The following PTPRN2 variants were observed in gnomAD, a reference collection of about 807,000 sequenced individuals.
PTPRN2 encodes the protein protein tyrosine phosphatase receptor type N2.
A neutral mutation model predicts 118.8 loss-of-function variants in PTPRN2; 74 were observed. The observed-to-expected ratio is 0.62, with a 90% CI of 0.52 to 0.76. The LOEUF (loss-of-function observed/expected upper bound fraction) is 0.76, where lower values mean the gene tolerates loss of function less well. Among genes scored for constraint, PTPRN2 ranks in the 30% least tolerant of loss-of-function variants. The pLI, the probability that PTPRN2 is intolerant of heterozygous loss-of-function variation, is 0.00. For synonymous variants in PTPRN2, 641 were observed against 608.0 expected (o/e 1.05, Z -0.80); for missense variants, 1,481 against 1,394.4 (o/e 1.06, Z -0.99).
At chr7:158,055,259 G>A (rs886986762) in intron 11 of PTPRN2, among the ~76,000 whole-genome samples, 4 of 152,224 alleles carry the variant, frequency 2.6e-5, no homozygotes, top group Non-Finnish European at 4.4e-5. Context: ...AGACAAGGGT[G>A]TGAGCCTTCT....
At chr7:158,334,487 C>T (rs62480925) in intron 2 of PTPRN2, among the ~76,000 whole-genome samples, 437 of 69,746 alleles carry the variant, frequency 6.3e-3, no homozygotes, top group East Asian at 9.4e-3. Flanking sequence ...CACCCACACA[C>T]GTCACTCACA....
intron 3 of PTPRN2, among the ~76,000 whole-genome samples, chr7:158,266,412 G>T (rs1017342653): frequency 2.7e-5 from 4 of 150,310 alleles, no homozygotes; most frequent in Non-Finnish European, 5.9e-5. Context: ...CTGCTGCGGG[G>T]TATTGTCTGG....
rs78274247 is a variant in PTPRN2, at chr7:157,799,385, G to C, written c.1788+99288C>G. ...TCTTGCCGTGAGACCTCCCCACGCT[G>C]AACGTGTGTTCCTCTAGCCACTTAC... is the stretch of plus-strand genomic sequence containing the variant. On this transcript the variant is annotated intron_variant, in intron 12 of 22. Transcript: ENST00000389418. 8.2e-3 allele frequency among the ~76,000 whole-genome samples: 1,247 copies of C among 152,262 alleles called. 47 individuals carry two copies. The South Asian group carries it at 0.12, about 14-fold the overall frequency.
intron 12 of PTPRN2, among the ~76,000 whole-genome samples, chr7:157,710,245 A>G (rs187884879): frequency 6.6e-6 from 1 of 152,326 alleles, no homozygotes; most frequent in East Asian, 1.9e-4. Context: ...GAACGTCCAG[A>G]ATAAAGAGAA....
intron 11 of PTPRN2, among the ~76,000 whole-genome samples, chr7:157,976,288 G>A (rs890089706): frequency 3.9e-5 from 6 of 152,200 alleles, no homozygotes; most frequent in South Asian, 2.1e-4. Flanking sequence ...TGCTCAGCCT[G>A]GCAGCCGAGT....
intron 3 of PTPRN2, among the ~76,000 whole-genome samples, chr7:158,265,608 G>C (rs1347370995): frequency 6.6e-6 from 1 of 152,214 alleles, no homozygotes; most frequent in Non-Finnish European, 1.5e-5. Flanking sequence ...GGGATCACCT[G>C]GTGCCATCAT....
intron 2 of PTPRN2, among the ~76,000 whole-genome samples, chr7:158,445,179 C>A (rs1817639067): frequency 6.6e-6 from 1 of 152,220 alleles, no homozygotes; most frequent in Non-Finnish European, 1.5e-5. Context: ...GGTGACACAG[C>A]CCCTCAGCCC....
chr7:157,806,392 A>G (rs1805633475), intron 12 of PTPRN2, among the ~76,000 whole-genome samples: 1 of 152,198 alleles, frequency 6.6e-6, no homozygotes, highest in Admixed American at 6.5e-5. Context: ...ATGTGTACAA[A>G]AATATGCACA....
chr7:157,747,504 C>T (rs1458292033), intron 12 of PTPRN2, among the ~76,000 whole-genome samples: 1 of 111,206 alleles, frequency 9.0e-6, no homozygotes, highest in African/African-American at 3.9e-5. Context: ...CGTCCCTGAG[C>T]TGTGGGGTGT....
At chr7:158,085,610 G>T (rs893635663) in intron 10 of PTPRN2, among the ~76,000 whole-genome samples, 1 of 86,084 alleles carries the variant, frequency 1.2e-5, no homozygotes, top group African/African-American at 4.9e-5. Flanking sequence ...CCACACCCAC[G>T]ACGCCCATCC....
In PTPRN2 at chr7:157,690,570, C is replaced by T. The variant is rs1234112314; in HGVS notation, c.1789-7633G>A. Among the ~76,000 whole-genome samples, 2 of 151,448 alleles carry T rather than the reference C, an allele frequency of 1.3e-5. No individual in the cohort carries two copies. Among genetic ancestry groups the T allele is most frequent in the Non-Finnish European group, 3.0e-5 (2 of 67,794 alleles). ...TGGTTACCTGCAGCTGGGCCGGCGC[C>T]CAGCGCCCGCGCGGGAGGAGGTGGG... is the stretch of plus-strand genomic sequence containing the variant. On this transcript the variant is annotated intron_variant, in intron 12 of 22. Transcript: ENST00000389418. The surrounding 1 kb of genome is among the most constrained non-coding windows in gnomAD (Gnocchi z 7.1).
At chr7:157,806,545 T>C (rs1211072985) in intron 12 of PTPRN2, among the ~76,000 whole-genome samples, 2 of 152,210 alleles carry the variant, frequency 1.3e-5, no homozygotes, top group African/African-American at 4.8e-5. Flanking sequence ...TGTGTATGTA[T>C]GTATACATAG....
chr7:158,486,161 T>A (rs905176044), intron 2 of PTPRN2, among the ~76,000 whole-genome samples: 2 of 152,244 alleles, frequency 1.3e-5, no homozygotes, highest in African/African-American at 4.8e-5. Flanking sequence ...TTCTCACACA[T>A]CAGATTGCCG....
At position 158,197,509 on chromosome 7, in the gene PTPRN2, CTTGA is replaced by C. The variant is rs1162074641; in HGVS notation, c.381-5018_381-5015del. Among the ~76,000 whole-genome samples the C allele has an allele frequency of 2.6e-5, 4 of 152,146 alleles. No homozygotes were observed. The East Asian group carries it at 7.7e-4, about 29-fold the overall frequency. The stretch of plus-strand genomic sequence containing the variant: ...GCTTATAAAAAAAATCCCATTTTTG[CTTGA>C]TTATCTCAATTGATAAACCCACCAT... On this transcript the variant is annotated intron_variant, in intron 4 of 22. Coordinates refer to ENST00000389418, the MANE Select transcript of PTPRN2 (RefSeq NM_002847.5).
intron 12 of PTPRN2, among the ~76,000 whole-genome samples, chr7:157,855,651 T>A (rs973677998): frequency 6.6e-6 from 1 of 152,130 alleles, no homozygotes; most frequent in East Asian, 1.9e-4. Flanking sequence ...ATAGAGCACA[T>A]CCCGGCGGGA....
intron 1 of PTPRN2, among the ~76,000 whole-genome samples, chr7:158,566,817 G>C (rs1350906322): frequency 6.6e-6 from 1 of 152,142 alleles, no homozygotes; most frequent in African/African-American, 2.4e-5. Flanking sequence ...CTGAGTTCAA[G>C]CAACTCTCCT....
intron 1 of PTPRN2, among the ~76,000 whole-genome samples, chr7:158,499,811 A>G (rs1288617876): frequency 6.8e-6 from 1 of 146,766 alleles, no homozygotes; most frequent in Non-Finnish European, 1.5e-5. Context: ...GTGTGTGTAT[A>G]TATATATATA....
rs113411602 is a variant in PTPRN2 at position 157,722,228 on chromosome 7, C to T, written c.1789-39291G>A. On this transcript the variant is annotated intron_variant, in intron 12 of 22. Transcript: ENST00000389418. ...GCTGGTGGGAAGACGGGTGAGACCA[C>T]GTGTGCCATGTGCCTCATATGCTGC... 5.2e-3 allele frequency among the ~76,000 whole-genome samples: 788 copies of T among 152,354 alleles called. 3 individuals are homozygous for T. The highest frequency in any genetic ancestry group is 8.2e-3 in the Non-Finnish European group (558 of 68,032).
At position 158,438,984 on chromosome 7, in the gene PTPRN2, T is replaced by A. The variant is rs1816778345; in HGVS notation, c.163+50751A>T. Among the ~76,000 whole-genome samples, 1 of 152,156 alleles carries A rather than the reference T, an allele frequency of 6.6e-6. No homozygotes were observed. The highest frequency in any genetic ancestry group is 6.5e-5 in the Admixed American group (1 of 15,282). On this transcript the variant is annotated intron_variant, in intron 2 of 22. Coordinates refer to ENST00000389418, the MANE Select transcript of PTPRN2 (RefSeq NM_002847.5). The surrounding 1 kb of genome is among the most constrained non-coding windows in gnomAD (Gnocchi z 4.7). ...GACAAATGCATCTCATTGCTCCCTCTCCCCTATTGCTTATGTAAAAATGCA... is the reference window on the plus strand; with the variant it reads ...GACAAATGCATCTCATTGCTCCCTCACCCCTATTGCTTATGTAAAAATGCA...
Sources: gnomAD v4.1 joint callset for allele counts (sites outside exome capture counted in the v4.1 genomes callset) on GRCh38, gnomAD v4.1.1 for gene constraint, Gnocchi (gnomAD v3.1) non-coding constraint, MANE v1.5 for transcripts, NCBI Gene and HGNC (gene_info 2026-07-23, HGNC 2026-07-21) for gene names.